Variants in TTLL11 observed in about 807,000 individuals in gnomAD.
TTLL11 encodes tubulin tyrosine ligase like 11, also known as tubulin polyglutamylase TTLL11.
In TTLL11, 42 loss-of-function variants were observed where a neutral mutation model predicts 51.7. The observed-to-expected ratio is 0.81, with a 90% confidence interval of 0.64 to 1.05. TTLL11 has a LOEUF of 1.05. Among genes scored for constraint, TTLL11 ranks in the 50% least tolerant of loss-of-function variants. TTLL11 has a pLI of 0.00. For synonymous variants in TTLL11, 381 were observed against 383.5 expected (o/e 0.99, Z 0.08); for missense variants, 799 against 940.4 (o/e 0.85, Z 1.97).
intron 3 of TTLL11, among the ~76,000 whole-genome samples, chr9:122,016,870 T>C (rs1480657018): frequency 1.3e-5 from 2 of 152,178 alleles, no homozygotes; most frequent in Non-Finnish European, 2.9e-5. Flanking sequence ...TGGAAGACCA[T>C]ATGCAAAATA....
rs1448025654 is a variant in TTLL11 at position 121,874,857 on chromosome 9, A to G, written c.1482-4109T>C. On this transcript the variant is annotated intron_variant, in intron 6 of 8. Transcript: ENST00000321582. ...CTGCAACCTCCGCCTCCCGGGTTCA[A>G]GCGAATCTCTTGTCTCAGCCTCCCA... 2.6e-5 allele frequency among the ~76,000 whole-genome samples: 4 copies of G among 151,938 alleles called. No individual in the cohort carries two copies. The East Asian group carries it at 7.8e-4, about 29-fold the overall frequency.
intron 1 of TTLL11, among the ~76,000 whole-genome samples, chr9:122,079,476 C>T (rs1588263227): frequency 6.6e-6 from 1 of 151,914 alleles, no homozygotes; most frequent in Non-Finnish European, 1.5e-5. Flanking sequence ...CTTTGGGAGG[C>T]TGAGGTGGGT....
chr9:122,002,013 ACTC>A (rs1319461486), intron 3 of TTLL11, among the ~76,000 whole-genome samples: 4 of 152,044 alleles, frequency 2.6e-5, no homozygotes, highest in African/African-American at 4.8e-5. Flanking sequence ...CTACAAAGGA[ACTC>A]CTACTGTGCC....
At chr9:121,831,097 G>T (rs1015179643) in intron 8 of TTLL11, among the ~76,000 whole-genome samples, 8 of 152,224 alleles carry the variant, frequency 5.3e-5, no homozygotes, top group African/African-American at 1.9e-4. Flanking sequence ...GGATGTGGGT[G>T]TGAAGGCAAG....
chr9:121,976,333 T>C (rs1842708101), intron 4 of TTLL11, among the ~76,000 whole-genome samples: 1 of 152,234 alleles, frequency 6.6e-6, no homozygotes, highest in African/African-American at 2.4e-5. Flanking sequence ...CATCTCGTTC[T>C]CTCTGCCTAG....
At chr9:121,966,541 A>T (rs1466649904) in intron 6 of TTLL11, among the ~76,000 whole-genome samples, 7 of 152,206 alleles carry the variant, frequency 4.6e-5, no homozygotes, top group Non-Finnish European at 1.0e-4. Context: ...TGAGATTGCA[A>T]TTTATTTACT....
intron 6 of TTLL11, among the ~76,000 whole-genome samples, chr9:121,943,615 G>A (rs1841568463): frequency 6.6e-6 from 1 of 152,178 alleles, no homozygotes; most frequent in Admixed American, 6.5e-5. Context: ...ACACCTGCAG[G>A]TGTCTAGAAG....
At position 121,972,617 on chromosome 9, in the gene TTLL11, A is replaced by T. The variant is rs7020061; in HGVS notation, c.1481+1392T>A. ...AGCCGGGCCGGCGCCATCCAGCCTG[A>T]CTCAGACTATGACCAATACTTCTTC... is the stretch of plus-strand genomic sequence containing the variant. On this transcript the variant is annotated intron_variant, in intron 6 of 8. Transcript: ENST00000321582. Among the ~76,000 whole-genome samples, 1,472 of 152,340 alleles carry T rather than the reference A, an allele frequency of 9.7e-3. 7 individuals are homozygous for T. Among genetic ancestry groups the T allele is most frequent in the Middle Eastern group, 0.017 (5 of 294 alleles).
rs143068879 is a variant in TTLL11, at chr9:121,911,084, C to T, written c.1482-40336G>A. Among the ~76,000 whole-genome samples, 10 of 152,182 alleles carry T rather than the reference C, an allele frequency of 6.6e-5. No homozygotes were observed. The East Asian group carries it at 1.9e-3, about 29-fold the overall frequency. On this transcript the variant is annotated intron_variant, in intron 6 of 8. Transcript: ENST00000321582. Reference sequence around the variant, plus strand: ...TGAGACTTTATAAAGTTCTTCCATCCCTGTTATGCCCCCTGGTTCTCAGAA... The same window carrying T: ...TGAGACTTTATAAAGTTCTTCCATCTCTGTTATGCCCCCTGGTTCTCAGAA...
intron 3 of TTLL11, among the ~76,000 whole-genome samples, chr9:122,017,420 T>C (rs1564359757): frequency 6.6e-6 from 1 of 151,690 alleles, no homozygotes; most frequent in Non-Finnish European, 1.5e-5. Flanking sequence ...GCATCATTTG[T>C]TGAACCAAAA....
chr9:121,895,693 GTGAT>G (rs1301002250), intron 6 of TTLL11, among the ~76,000 whole-genome samples: 2 of 150,848 alleles, frequency 1.3e-5, no homozygotes, highest in Non-Finnish European at 3.0e-5. Context: ...GTGTGAATGT[GTGAT>G]TGTGTGGGTT....
intron 1 of TTLL11, among the ~76,000 whole-genome samples, chr9:122,070,128 G>C (rs1845692289): frequency 6.6e-6 from 1 of 152,062 alleles, no homozygotes; most frequent in South Asian, 2.1e-4. Flanking sequence ...ACATATAGAG[G>C]GAGGGACACA....
At position 121,821,385 on chromosome 9, in the gene TTLL11, G is replaced by A. The variant is rs367961237; in HGVS notation, c.*1202C>T. ...CGCCTCAAATACTTTCCTGCACCTC[G>A]CTTGGAGCACGATGACTGACTCTTC... On this transcript the variant is annotated 3_prime_UTR_variant, in exon 9 of 9. Coordinates refer to ENST00000321582, the MANE Select transcript of TTLL11 (RefSeq NM_001139442.2). The surrounding 1 kb of genome is among the most constrained non-coding windows in gnomAD (Gnocchi z 5.0). 6.6e-6 allele frequency among the ~76,000 whole-genome samples: 1 copy of A among 152,080 alleles called. No homozygotes were observed. Among genetic ancestry groups the A allele is most frequent in the African/African-American group, 2.4e-5 (1 of 41,392 alleles).
intron 1 of TTLL11, among the ~76,000 whole-genome samples, chr9:122,048,630 C>T (rs1234978027): frequency 6.6e-6 from 1 of 152,170 alleles, no homozygotes; most frequent in East Asian, 1.9e-4. Context: ...CAAGTTGGGC[C>T]ACTTAACTCT....
intron 6 of TTLL11, among the ~76,000 whole-genome samples, chr9:121,895,689 ATGTG>A (rs1279571658): frequency 2.3e-4 from 2 of 8,722 alleles, no homozygotes; most frequent in Non-Finnish European, 4.7e-4. Context: ...GTCTGTGTGA[ATGTG>A]TGATTGTGTG....
intron 4 of TTLL11, among the ~76,000 whole-genome samples, chr9:121,977,004 C>T (rs1370192941): frequency 6.6e-6 from 1 of 152,160 alleles, no homozygotes; most frequent in Non-Finnish European, 1.5e-5. Flanking sequence ...GTTTATCATC[C>T]TTAGTCATCA....
intron 4 of TTLL11, among the ~76,000 whole-genome samples, chr9:121,976,385 C>T (rs16911175): frequency 0.013 from 1,982 of 152,292 alleles, 44 homozygotes; most frequent in African/African-American, 0.045. Flanking sequence ...TCCTTGAGAT[C>T]GCTGCCCCTA....
At chr9:121,921,179 A>G (rs1840529275) in intron 6 of TTLL11, among the ~76,000 whole-genome samples, 1 of 152,270 alleles carries the variant, frequency 6.6e-6, no homozygotes, top group Non-Finnish European at 1.5e-5. Flanking sequence ...GACGTCCGTC[A>G]GATCACACAT....
chr9:121,923,445 A>G (rs1376944039), intron 6 of TTLL11, among the ~76,000 whole-genome samples: 3 of 151,622 alleles, frequency 2.0e-5, no homozygotes, highest in Non-Finnish European at 4.4e-5. Context: ...ATTTTTTTCA[A>G]TTTTGTTTTT....
Sources: gnomAD v4.1 joint callset for allele counts (sites outside exome capture counted in the v4.1 genomes callset) on GRCh38, gnomAD v4.1.1 for gene constraint, Gnocchi (gnomAD v3.1) non-coding constraint, MANE v1.5 for transcripts, NCBI Gene and HGNC (gene_info 2026-07-23, HGNC 2026-07-21) for gene names.